The following SNX5 variants were observed in gnomAD, a reference collection of about 807,000 sequenced individuals.
SNX5 encodes sorting nexin-5.
SNX5 carries 31 observed loss-of-function variants against 53.9 expected under a neutral mutation model. The ratio of observed to expected loss-of-function variants is 0.58; its 90% CI spans 0.43 to 0.78. SNX5 has a LOEUF of 0.78. Ranked by LOEUF, SNX5 falls within the 30% of genes least tolerant of loss-of-function variation. SNX5 has a pLI of 0.00. For synonymous variants in SNX5, 168 were observed against 171.1 expected, an observed-to-expected ratio of 0.98 and a Z score of 0.14; for missense variants, 471 against 478.8, an observed-to-expected ratio of 0.98 and a Z score of 0.15.
chr20:17,951,730 T>C, intron 5 of SNX5, 135 bp from the exon 6 acceptor site: 1 of 618,978 alleles, frequency 1.6e-6, no homozygotes, highest in Non-Finnish European at 2.9e-6. Context: ...AATTCTGCCT[T>C]AACCTCCAAG....
intron 3 of SNX5, among the ~76,000 whole-genome samples, chr20:17,954,511 GGA>G (rs533704211): frequency 3.3e-5 from 5 of 152,144 alleles, no homozygotes; most frequent in Admixed American, 6.5e-5. Flanking sequence ...GGATAATCAA[GGA>G]CTCTAATTTT....
Position 17,968,634 on chromosome 20 carries a change from G to A in SNX5, c.-209C>T, listed in dbSNP as rs1377198147. The A allele has an allele frequency of 6.5e-6, 4 of 619,280 alleles. No homozygotes were observed. Among genetic ancestry groups the A allele is most frequent in the East Asian group, 3.6e-5 (1 of 27,414 alleles). The allele number at this position is 619,280 out of a possible 1,614,324, so 38.4% of individuals were successfully genotyped here. On this transcript the variant is annotated 5_prime_UTR_variant, in exon 1 of 13. Transcript: ENST00000377759. ...GAGCAGGGCGCCACGTGCTCCCCCA[G>A]AGCAGCCTCCCAGTCCCCGCTGCCG...
chr20:17,948,487 A>G (rs527507950), intron 10 of SNX5, among the ~76,000 whole-genome samples: 1 of 152,364 alleles, frequency 6.6e-6, no homozygotes, highest in African/African-American at 2.4e-5. Flanking sequence ...AAATTAAAAC[A>G]TATTTGTTCA....
chr20:17,944,535 T>A (rs1392129280), intron 11 of SNX5: 2 of 152,140 alleles, frequency 1.3e-5, no homozygotes, highest in Non-Finnish European at 2.9e-5. Flanking sequence ...TGCTTCCTTT[T>A]CATCTACTCC....
chr20:17,968,443 G>C lies in SNX5; in HGVS notation c.-18C>G. 7.8e-7 allele frequency: 1 copy of C among 1,289,890 alleles called. No individual in the cohort carries two copies. The highest frequency in any genetic ancestry group is 2.9e-5 in the South Asian group (1 of 34,920). The allele number at this position is 1,289,890 out of a possible 1,614,324, so 79.9% of individuals were successfully genotyped here. On this transcript the variant is annotated 5_prime_UTR_variant, in exon 1 of 13. Coordinates refer to ENST00000377759, the MANE Select transcript of SNX5 (RefSeq NM_014426.4). The stretch of plus-strand genomic sequence containing the variant: ...GCGGCCATGGCGACGCGGGACTCGA[G>C]CAGGGGCCGCCTGGCTGTGCGAGGA...
At chr20:17,947,160 T>G in intron 11 of SNX5, 1 of 223,032 alleles carries the variant, frequency 4.5e-6, no homozygotes, top group Non-Finnish European at 8.8e-6. Context: ...AGACCCAAAG[T>G]TAAGTTTATC....
intron 4 of SNX5, among the ~76,000 whole-genome samples, chr20:17,953,059 C>A (rs2039592435): frequency 1.3e-5 from 2 of 152,188 alleles, no homozygotes; most frequent in Non-Finnish European, 2.9e-5. Context: ...CAGCATGAGT[C>A]TAATGAAGCT....
rs1256004664 is a variant in SNX5 at position 17,968,732 on chromosome 20, G to A, written c.-307C>T. The stretch of plus-strand genomic sequence containing the variant: ...CCGCTCCACGAGGAGGCCGCCAACC[G>A]CAGGGCCGCGACACGGACGGGAAGC... On this transcript the variant is annotated 5_prime_UTR_variant, in exon 1 of 13. Transcript: ENST00000377759. The A allele has an allele frequency of 1.9e-5, 8 of 413,474 alleles. No homozygotes were observed. The highest frequency in any genetic ancestry group is 4.4e-5 in the Admixed American group (1 of 22,938). 25.6% of individuals were successfully genotyped at this position (413,474 alleles called of 1,614,324 possible).
Position 17,947,537 on chromosome 20 carries a change from G to T in SNX5, c.1027C>A (p.Gln343Lys), listed in dbSNP as rs1279236186. 1 of 1,613,782 alleles carries T rather than the reference G, an allele frequency of 6.2e-7. No individual in the cohort carries two copies. The highest frequency in any genetic ancestry group is 2.2e-5 in the East Asian group (1 of 44,894). Residue 343 changes from glutamine to lysine, a missense_variant, in exon 11 of 13, where the codon CAG becomes AAG. Transcript: ENST00000377759. ...TCAAATTTCTGGCAGCACTCCTGCT[G>T]GTGTGCCTCAGCCAACTTGACGTCT... ...SKDVKLAEAH[Q>K]QECCQKFEQL...
chr20:17,961,753 T>A (rs1304734603), intron 1 of SNX5: 1 of 985,260 alleles, frequency 1.0e-6, no homozygotes, highest in Admixed American at 6.1e-5. Context: ...TGTTTTGTTA[T>A]GTTTCATTCC....
At chr20:17,952,475 G>A in intron 5 of SNX5, 112 bp downstream of exon 5, 1 of 1,059,254 alleles carries the variant, frequency 9.4e-7, no homozygotes, top group South Asian at 1.9e-5. Context: ...CATCTAAAAA[G>A]GTTTCCATTG....
At chr20:17,953,213 G>A (rs1057140632) in intron 4 of SNX5, among the ~76,000 whole-genome samples, 3 of 152,186 alleles carry the variant, frequency 2.0e-5, no homozygotes, top group Non-Finnish European at 4.4e-5. Context: ...TCAAGTGTGT[G>A]CTAAATGCTT....
At chr20:17,946,069 CCT>C (rs1250171453) in intron 11 of SNX5, among the ~76,000 whole-genome samples, 1 of 152,152 alleles carries the variant, frequency 6.6e-6, no homozygotes, top group Non-Finnish European at 1.5e-5. Flanking sequence ...TCCACAGAAT[CCT>C]CTTAGGTAAG....
chr20:17,961,449 C>T, intron 1 of SNX5: 2 of 985,300 alleles, frequency 2.0e-6, no homozygotes, highest in Non-Finnish European at 2.4e-6. Flanking sequence ...AAGACACAGT[C>T]CAAAGAAGTG....
intron 10 of SNX5, among the ~76,000 whole-genome samples, chr20:17,948,492 TG>T (rs568798942): frequency 2.0e-5 from 3 of 152,252 alleles, no homozygotes; most frequent in Admixed American, 6.5e-5. Flanking sequence ...AAAACATATT[TG>T]TTCAGGGCAA....
At chr20:17,943,866 CT>C (rs2039450550) in intron 11 of SNX5, 3 of 152,222 alleles carry the variant, frequency 2.0e-5, no homozygotes, top group African/African-American at 7.2e-5. Flanking sequence ...ATAAAAGGAA[CT>C]GAAATCAGTA....
intron 1 of SNX5, among the ~76,000 whole-genome samples, chr20:17,967,161 C>T (rs948093169): frequency 5.9e-5 from 9 of 152,004 alleles, no homozygotes; most frequent in African/African-American, 2.2e-4. Flanking sequence ...GCAATTGAGT[C>T]CTTTTACCTA....
At chr20:17,942,935 T>C in intron 12 of SNX5, 175 bp downstream of exon 12, 1 of 524,552 alleles carries the variant, frequency 1.9e-6, no homozygotes, top group East Asian at 3.0e-5. Flanking sequence ...TAGTCATGGG[T>C]GACATTATAA....
In SNX5 at chr20:17,968,421, G is replaced by A; in HGVS notation, c.5C>T (p.Ala2Val). 3 of 1,289,792 alleles carry A rather than the reference G, an allele frequency of 2.3e-6. No individual in the cohort carries two copies. Among genetic ancestry groups the A allele is most frequent in the Non-Finnish European group, 9.8e-7 (1 of 1,015,626 alleles). The allele number at this position is 1,289,792 out of a possible 1,614,324, so 79.9% of individuals were successfully genotyped here. Residue 2 changes from alanine to valine, a missense_variant, in exon 1 of 13, where the codon GCC becomes GTC. Transcript: ENST00000377759. ...CTGCTGCAGCAACTCGGGAACCGCG[G>A]CCATGGCGACGCGGGACTCGAGCAG... is the stretch of plus-strand genomic sequence containing the variant. M[A>V]AVPELLQQQE...
Sources: allele counts gnomAD v4.1 joint callset (sites outside exome capture counted in the v4.1 genomes callset), GRCh38; gene constraint gnomAD v4.1.1; transcripts MANE v1.5; gene names NCBI Gene and HGNC (gene_info 2026-07-23, HGNC 2026-07-21).